COLGALT2: variants seen among roughly 807,000 people sequenced by gnomAD.
The protein encoded by COLGALT2 is collagen beta(1-O)galactosyltransferase 2.
COLGALT2 carries 49 observed loss-of-function variants against 73.4 expected under a neutral mutation model. The observed-to-expected ratio is 0.67, with a 90% confidence interval of 0.53 to 0.85. The LOEUF is 0.85. Among genes scored for constraint, COLGALT2 ranks in the 40% least tolerant of loss-of-function variants. COLGALT2 has a pLI of 0.00. For synonymous variants in COLGALT2, 295 were observed against 307.6 expected (o/e 0.96, Z 0.43); for missense variants, 722 against 790.2 (o/e 0.91, Z 1.03).
rs1035970500 is a variant in COLGALT2 at position 183,938,259 on chromosome 1, A to T, written c.*502T>A. The T allele has an allele frequency of 1.0e-6, 1 of 984,086 alleles. No individual in the cohort carries two copies. Among genetic ancestry groups the T allele is most frequent in the Non-Finnish European group, 1.2e-6 (1 of 829,836 alleles). The allele number at this position is 984,086 out of a possible 1,614,324, so 61.0% of individuals were successfully genotyped here. A position where few individuals can be genotyped will look rare whatever the true frequency, so the allele number is the denominator to read the frequency against. On this transcript the variant is annotated 3_prime_UTR_variant, in exon 12 of 12. Coordinates refer to ENST00000361927, the MANE Select transcript of COLGALT2 (RefSeq NM_015101.4). ...TTGTGACAGAATCCTTTAAATAAAA[A>T]GCCAAATAAATATGATTTTAAGTGA...
At chr1:184,022,321 TG>T (rs1649203551) in intron 1 of COLGALT2, among the ~76,000 whole-genome samples, 1 of 152,204 alleles carries the variant, frequency 6.6e-6, no homozygotes, top group Non-Finnish European at 1.5e-5. Context: ...GTGACTCCTC[TG>T]GCTTGAATGT....
chr1:183,960,233 A>C (rs1670662195), intron 6 of COLGALT2, among the ~76,000 whole-genome samples: 2 of 152,162 alleles, frequency 1.3e-5, no homozygotes, highest in Admixed American at 1.3e-4. Context: ...CACCCTCTCG[A>C]ACTTTATTTC....
intron 2 of COLGALT2, among the ~76,000 whole-genome samples, chr1:183,977,102 C>T (rs887619758): frequency 6.6e-6 from 1 of 152,036 alleles, no homozygotes; most frequent in Non-Finnish European, 1.5e-5. Flanking sequence ...GAAATGAAAC[C>T]ATTTCATTTG....
intron 1 of COLGALT2, among the ~76,000 whole-genome samples, chr1:184,021,523 C>T (rs989466226): frequency 2.0e-5 from 3 of 152,032 alleles, no homozygotes; most frequent in Non-Finnish European, 4.4e-5. Context: ...CCTTTCTTGC[C>T]CTACCACCAT....
intron 5 of COLGALT2, chr1:183,964,482 T>C (rs980379520): frequency 3.6e-5 from 6 of 165,282 alleles, no homozygotes; most frequent in Admixed American, 2.6e-4. Flanking sequence ...TAGGCATACA[T>C]AGAACAAAAA....
intron 2 of COLGALT2, among the ~76,000 whole-genome samples, chr1:183,977,914 T>C (rs1266335929): frequency 2.0e-5 from 3 of 151,898 alleles, no homozygotes; most frequent in Admixed American, 6.6e-5. Flanking sequence ...ATGGTTAAGA[T>C]AGGAAATTAC....
intron 5 of COLGALT2, 76 bp downstream of exon 5, chr1:183,969,193 T>A (rs1219963908): frequency 9.1e-6 from 11 of 1,206,266 alleles, no homozygotes; most frequent in Admixed American, 2.6e-5. Context: ...TTTTTTTTAA[T>A]AAAATGCACA....
At chr1:184,023,051 CT>C in intron 1 of COLGALT2, among the ~76,000 whole-genome samples, 1 of 152,198 alleles carries the variant, frequency 6.6e-6, no homozygotes, top group South Asian at 2.1e-4. Context: ...GAAGGATGTG[CT>C]TTTTTATTTA....
intron 10 of COLGALT2, among the ~76,000 whole-genome samples, chr1:183,943,465 G>A (rs527761915): frequency 8.2e-4 from 124 of 151,890 alleles, no homozygotes; most frequent in Middle Eastern, 3.4e-3. Flanking sequence ...GGCAGAGGAG[G>A]AAGAAGAAAA....
At chr1:184,002,132 C>T (rs1245041865) in intron 1 of COLGALT2, among the ~76,000 whole-genome samples, 2 of 152,236 alleles carry the variant, frequency 1.3e-5, no homozygotes, top group East Asian at 3.8e-4. Flanking sequence ...GGAGCCAGCC[C>T]AGTGCTCACT....
downstream of COLGALT2, among the ~76,000 whole-genome samples, chr1:183,932,966 C>T (rs190387684): frequency 3.9e-5 from 6 of 152,330 alleles, no homozygotes; most frequent in East Asian, 9.7e-4. Flanking sequence ...ACTCTGGTTC[C>T]AGAGGCCCTG....
At chr1:184,010,528 G>A (rs1349957466) in intron 1 of COLGALT2, among the ~76,000 whole-genome samples, 1 of 152,288 alleles carries the variant, frequency 6.6e-6, no homozygotes, top group African/African-American at 2.4e-5. Context: ...GTGATTTAGA[G>A]GCAAATAATA....
At chr1:184,023,732 C>G (rs1045731823) in intron 1 of COLGALT2, among the ~76,000 whole-genome samples, 1 of 151,846 alleles carries the variant, frequency 6.6e-6, no homozygotes, top group Non-Finnish European at 1.5e-5. Context: ...TAACCAAATA[C>G]CTGCAACACG....
At position 183,937,170 on chromosome 1, in the gene COLGALT2, T is replaced by C. The variant is rs1433671287; in HGVS notation, c.*1591A>G. On this transcript the variant is annotated 3_prime_UTR_variant, in exon 12 of 12. Transcript: ENST00000361927. ...CTGTGGACTCTGCTCTGAAGGGCCC[T>C]CCCCATGAGTTTAAGTGTGAAGCTC... The C allele has an allele frequency of 2.5e-6, 3 of 1,222,082 alleles. No homozygotes were observed. Among genetic ancestry groups the C allele is most frequent in the Non-Finnish European group, 2.0e-6 (2 of 982,690 alleles). 75.7% of individuals were successfully genotyped at this position (1,222,082 alleles called of 1,614,324 possible).
intron 11 of COLGALT2, among the ~76,000 whole-genome samples, chr1:183,940,214 A>C (rs1430298722): frequency 1.3e-5 from 2 of 152,242 alleles, no homozygotes; most frequent in Non-Finnish European, 2.9e-5. Context: ...AACAGTACCC[A>C]ATGACCTGAG....
chr1:184,017,247 C>G (rs1041816155), intron 1 of COLGALT2, among the ~76,000 whole-genome samples: 2 of 152,166 alleles, frequency 1.3e-5, no homozygotes, highest in Non-Finnish European at 1.5e-5. Flanking sequence ...ATCTGATGTA[C>G]TTATAATTAT....
intron 1 of COLGALT2, among the ~76,000 whole-genome samples, chr1:183,996,448 C>A (rs1238723950): frequency 6.6e-6 from 1 of 152,166 alleles, no homozygotes; most frequent in African/African-American, 2.4e-5. Context: ...ACAAAATGGA[C>A]AGAAAACTCC....
downstream of COLGALT2, among the ~76,000 whole-genome samples, chr1:183,935,193 G>T (rs113795619): frequency 1.2e-3 from 188 of 152,274 alleles, no homozygotes; most frequent in Middle Eastern, 3.4e-3. Flanking sequence ...CAGCAGAGCT[G>T]CCCTGACAGT....
rs79867844 is a variant in COLGALT2, at chr1:183,978,241, A to G, written c.374+169T>C. On this transcript the variant is annotated intron_variant, in intron 2 of 11. Coordinates refer to ENST00000361927, the MANE Select transcript of COLGALT2 (RefSeq NM_015101.4). Reference sequence around the variant, plus strand: ...CTGTGGGAGTAAACAGCAAGAGAGTACTGTGAAGATCTCTAAAAGGGAGAA... The same window carrying G: ...CTGTGGGAGTAAACAGCAAGAGAGTGCTGTGAAGATCTCTAAAAGGGAGAA... Among the ~76,000 whole-genome samples, 346 of 152,336 alleles carry G rather than the reference A, an allele frequency of 2.3e-3. 2 individuals carry two copies. Among genetic ancestry groups the G allele is most frequent in the African/African-American group, 7.9e-3 (329 of 41,590 alleles).
Sources: allele counts gnomAD v4.1 joint callset (sites outside exome capture counted in the v4.1 genomes callset), GRCh38; gene constraint gnomAD v4.1.1; transcripts MANE v1.5; gene names NCBI Gene and HGNC (gene_info 2026-07-23, HGNC 2026-07-21).